Variants in NEK7 observed in about 807,000 individuals in gnomAD.
The protein encoded by NEK7 is serine/threonine-protein kinase Nek7.
In NEK7, 18 loss-of-function variants were observed where a neutral mutation model predicts 44.6. The observed-to-expected ratio is 0.40, with a 90% CI of 0.28 to 0.60. The LOEUF (loss-of-function observed/expected upper bound fraction) is 0.60. NEK7 is among the 20% of genes least tolerant of loss of function. The probability of loss-of-function intolerance (pLI) is 0.38; values close to 1 mark genes in which losing one functional copy is unlikely to be tolerated. For missense variants in NEK7, 256 were observed against 366.5 expected, an observed-to-expected ratio of 0.70 and a Z score of 2.46; for synonymous variants, 130 against 121.1, an observed-to-expected ratio of 1.07 and a Z score of -0.48.
At position 198,244,156 on chromosome 1, in the gene NEK7, C is replaced by G. The variant is rs1028839707; in HGVS notation, c.58-8884C>G. 2.0e-5 allele frequency among the ~76,000 whole-genome samples: 3 copies of G among 151,912 alleles called. No individual in the cohort carries two copies. The South Asian group carries it at 6.3e-4, about 32-fold the overall frequency. On this transcript the variant is annotated intron_variant, in intron 2 of 9. Transcript: ENST00000367385. ...TAGTTTATTTAAAATAATTAAGTGG[C>G]ACAGGAAAATCAGTAAGAGATGAAT...
intron 7 of NEK7, among the ~76,000 whole-genome samples, chr1:198,290,318 A>G (rs929754634): frequency 5.3e-5 from 8 of 152,234 alleles, no homozygotes; most frequent in Non-Finnish European, 1.2e-4. Flanking sequence ...TCTTGAGGCA[A>G]CAGTAATCGT....
intron 5 of NEK7, among the ~76,000 whole-genome samples, chr1:198,276,941 A>AT (rs1654035156): frequency 6.6e-6 from 1 of 151,666 alleles, no homozygotes. Context: ...GTTCCTCCAT[A>AT]TTCAATAACA....
intron 9 of NEK7, 38 bp downstream of exon 9, chr1:198,297,278 A>C: frequency 6.2e-7 from 1 of 1,606,494 alleles, no homozygotes; most frequent in Non-Finnish European, 8.5e-7. Flanking sequence ...TCTGTTGTCC[A>C]TTTTGCTAAC....
intron 8 of NEK7, among the ~76,000 whole-genome samples, chr1:198,294,891 A>G (rs991977770): frequency 2.6e-5 from 4 of 152,108 alleles, no homozygotes; most frequent in Admixed American, 1.3e-4. Flanking sequence ...TTTATGTTCT[A>G]TTTCCTTTCA....
chr1:198,174,756 TTTG>T (rs1477975081), intron 1 of NEK7, among the ~76,000 whole-genome samples: 1 of 151,910 alleles, frequency 6.6e-6, no homozygotes, highest in Non-Finnish European at 1.5e-5. Context: ...GTTTTTGTTT[TTTG>T]TTGTTTTTTT....
At chr1:198,302,470 C>G (rs908764928) in intron 9 of NEK7, among the ~76,000 whole-genome samples, 1 of 151,508 alleles carries the variant, frequency 6.6e-6, no homozygotes. Flanking sequence ...CTGCTTCACT[C>G]AAATGTTTAA....
intron 8 of NEK7, among the ~76,000 whole-genome samples, chr1:198,294,843 T>G (rs1397905071): frequency 2.0e-5 from 3 of 152,194 alleles, no homozygotes; most frequent in Non-Finnish European, 2.9e-5. Context: ...TGCAAATCTT[T>G]TAGAAGAACT....
intron 9 of NEK7, among the ~76,000 whole-genome samples, chr1:198,304,770 G>A (rs1399208325): frequency 6.6e-6 from 1 of 152,062 alleles, no homozygotes; most frequent in Non-Finnish European, 1.5e-5. Context: ...AAATGTATTA[G>A]TATTTTCTCT....
chr1:198,254,178 T>C (rs1424920563), intron 3 of NEK7, among the ~76,000 whole-genome samples: 1 of 152,018 alleles, frequency 6.6e-6, no homozygotes, highest in Admixed American at 6.6e-5. Context: ...TTATAAAAGG[T>C]TTTATCTGGT....
intron 2 of NEK7, among the ~76,000 whole-genome samples, chr1:198,252,565 TATAAAAAGTAC>T (rs1653081431): frequency 2.0e-5 from 1 of 50,836 alleles, no homozygotes; most frequent in Non-Finnish European, 3.1e-5. Context: ...TATATATATA[TATAAAAAGTAC>T]ATATATACAC....
chr1:198,307,645 G>A (rs1425154158), intron 9 of NEK7, among the ~76,000 whole-genome samples: 1 of 152,114 alleles, frequency 6.6e-6, no homozygotes, highest in Non-Finnish European at 1.5e-5. Context: ...CACCCTTAGT[G>A]AAATTTGAGC....
chr1:198,174,370 TA>T (rs11326750), intron 1 of NEK7, among the ~76,000 whole-genome samples: 22,568 of 148,564 alleles, frequency 0.15, 1,855 homozygotes, highest in East Asian at 0.23. Flanking sequence ...TTATGCTTGG[TA>T]AAAAAAAAAA....
chr1:198,287,454 A>G (rs1654410789), intron 7 of NEK7, among the ~76,000 whole-genome samples: 1 of 152,176 alleles, frequency 6.6e-6, no homozygotes, highest in Admixed American at 6.5e-5. Flanking sequence ...AGGTTCCAAA[A>G]TTAGAGGAAG....
chr1:198,249,193 A>T (rs573978603), intron 2 of NEK7, among the ~76,000 whole-genome samples: 1 of 151,780 alleles, frequency 6.6e-6, no homozygotes, highest in Non-Finnish European at 1.5e-5. Context: ...TTCCAGTTTC[A>T]TCCATGTCCC....
chr1:198,240,091 G>A (rs187900101), intron 2 of NEK7, among the ~76,000 whole-genome samples: 14 of 152,250 alleles, frequency 9.2e-5, no homozygotes, highest in Admixed American at 6.5e-4. Flanking sequence ...ATTAGATGGC[G>A]CATGACTGTA....
chr1:198,294,494 A>G (rs938501256), intron 8 of NEK7, among the ~76,000 whole-genome samples: 3 of 152,090 alleles, frequency 2.0e-5, no homozygotes, highest in Non-Finnish European at 2.9e-5. Context: ...TCAAATCCCT[A>G]AAAGTAAACA....
chr1:198,233,152 G>T (rs1459991823), intron 2 of NEK7, among the ~76,000 whole-genome samples: 1 of 150,656 alleles, frequency 6.6e-6, no homozygotes, highest in East Asian at 1.9e-4. Context: ...TTTTGTACCT[G>T]CCCCTGCTTT....
chr1:198,278,576 G>A (rs1654093422), intron 6 of NEK7, among the ~76,000 whole-genome samples: 1 of 151,646 alleles, frequency 6.6e-6, no homozygotes, highest in Admixed American at 6.6e-5. Flanking sequence ...TGTTGTCGTG[G>A]TTTTATATTT....
intron 5 of NEK7, among the ~76,000 whole-genome samples, chr1:198,276,719 A>C (rs1015544251): frequency 2.0e-5 from 3 of 151,772 alleles, no homozygotes; most frequent in African/African-American, 4.8e-5. Context: ...GTGTTATAAG[A>C]AAGATTAAAC....
Sources: allele counts gnomAD v4.1 joint callset (sites outside exome capture counted in the v4.1 genomes callset), GRCh38; gene constraint gnomAD v4.1.1; transcripts MANE v1.5; gene names NCBI Gene and HGNC (gene_info 2026-07-23, HGNC 2026-07-21).